The following TRPM2 variants were observed in gnomAD, a reference collection of about 807,000 sequenced individuals.
The protein encoded by TRPM2 is estrogen-responsive element-associated gene 1 protein.
A neutral mutation model predicts 174.0 loss-of-function variants in TRPM2; 161 were observed. The ratio of observed to expected loss-of-function variants is 0.93; its 90% CI spans 0.81 to 1.05. TRPM2 has a LOEUF of 1.05. Among genes scored for constraint, TRPM2 ranks in the 50% least tolerant of loss-of-function variants. The pLI is 0.00. For synonymous variants in TRPM2, 954 were observed against 861.3 expected, an observed-to-expected ratio of 1.11 and a Z score of -1.88; for missense variants, 2,057 against 2,038.0, an observed-to-expected ratio of 1.01 and a Z score of -0.18.
intron 27 of TRPM2, among the ~76,000 whole-genome samples, chr21:44,428,877 C>G (rs1161406104): frequency 6.6e-6 from 1 of 152,228 alleles, no homozygotes; most frequent in Non-Finnish European, 1.5e-5. Flanking sequence ...TTTCAAAGCT[C>G]TGTATGCCTC....
At chr21:44,431,330 G>C (rs1282916064) in intron 27 of TRPM2, among the ~76,000 whole-genome samples, 3 of 150,848 alleles carry the variant, frequency 2.0e-5, no homozygotes, top group Non-Finnish European at 2.9e-5. Context: ...TGGAGAATGA[G>C]GTCTTGCTCT....
At chr21:44,351,963 G>GACCCTCCC, upstream of TRPM2, among the ~76,000 whole-genome samples, 1 of 152,214 alleles carries the variant, frequency 6.6e-6, no homozygotes, top group Non-Finnish European at 1.5e-5. Context: ...CCACACCGTG[G>GACCCTCCC]ACCCTCCCGT....
chr21:44,425,292 G>A (rs1022425787), intron 24 of TRPM2: 6 of 389,986 alleles, frequency 1.5e-5, no homozygotes, highest in African/African-American at 1.2e-4. Flanking sequence ...GAGAAGCAAA[G>A]TCTGTTTTCC....
intron 28 of TRPM2, 31 bp downstream of exon 28, chr21:44,435,248 TC>T (rs756266210): frequency 9.4e-6 from 15 of 1,599,578 alleles, no homozygotes; most frequent in African/African-American, 1.3e-5. Flanking sequence ...CACCAGCACC[TC>T]AGCAAGGCGG....
chr21:44,384,718 C>T (rs1262646363), intron 9 of TRPM2, among the ~76,000 whole-genome samples: 1 of 152,154 alleles, frequency 6.6e-6, no homozygotes, highest in African/African-American at 2.4e-5. Context: ...GAACACATTT[C>T]TAGAAGCACA....
intron 16 of TRPM2, among the ~76,000 whole-genome samples, chr21:44,403,814 TACACATGCAC>T (rs1356456700): frequency 6.8e-6 from 1 of 147,816 alleles, no homozygotes; most frequent in Non-Finnish European, 1.5e-5. Flanking sequence ...AACACATGTA[TACACATGCAC>T]ACACATGCAT....
At chr21:44,418,968 C>CG (rs976812295) in intron 22 of TRPM2, among the ~76,000 whole-genome samples, 8 of 152,196 alleles carry the variant, frequency 5.3e-5, no homozygotes, top group African/African-American at 1.9e-4. Context: ...GCCCAGCCCT[C>CG]GGGGTCAGCC....
intron 27 of TRPM2, among the ~76,000 whole-genome samples, chr21:44,427,466 G>A (rs1044623366): frequency 6.6e-6 from 1 of 152,232 alleles, no homozygotes; most frequent in African/African-American, 2.4e-5. Flanking sequence ...ATGGGCACTG[G>A]CAGGCTTACC....
In TRPM2 at chr21:44,376,138, C is replaced by T; in HGVS notation, c.952+125C>T. The T allele has an allele frequency of 1.7e-6, 2 of 1,179,876 alleles. No homozygotes were observed. Among genetic ancestry groups the T allele is most frequent in the Non-Finnish European group, 2.4e-6 (2 of 842,976 alleles). The allele number at this position is 1,179,876 out of a possible 1,614,324, so 73.1% of individuals were successfully genotyped here. On this transcript the variant is annotated intron_variant, in intron 6 of 31. Coordinates refer to ENST00000397928, the MANE Select transcript of TRPM2 (RefSeq NM_003307.4). This position sits in a 1 kb window ranked among gnomAD's most constrained non-coding sequence, Gnocchi z 4.2. ...GGCGTTTGGCAGAGAGTGCAGTGGG[C>T]TGGTCAGAGTGTCAGGTACAGCTGG... is the stretch of plus-strand genomic sequence containing the variant.
At chr21:44,409,169 A>G (rs778739612) in intron 19 of TRPM2, among the ~76,000 whole-genome samples, 14 of 152,066 alleles carry the variant, frequency 9.2e-5, no homozygotes, top group Non-Finnish European at 1.8e-4. Flanking sequence ...CAACTTATCA[A>G]TCTCTTTGAT....
intron 13 of TRPM2, among the ~76,000 whole-genome samples, chr21:44,398,491 A>G (rs914655925): frequency 2.0e-5 from 3 of 152,086 alleles, no homozygotes; most frequent in Non-Finnish European, 4.4e-5. Context: ...GTGAACCACC[A>G]CGCCTGGTGA....
In TRPM2 at chr21:44,429,278, C is replaced by CT. The variant is rs35708355; in HGVS notation, c.3974+2193dup. Among the ~76,000 whole-genome samples the CT allele has an allele frequency of 9.9e-3, 440 of 44,222 alleles. 21 individuals are homozygous for CT. Among genetic ancestry groups the CT allele is most frequent in the Non-Finnish European group, 0.013 (311 of 24,342 alleles). 29.0% of individuals were successfully genotyped at this position (44,222 alleles called of 152,430 possible). On this transcript the variant is annotated intron_variant, in intron 27 of 31. Coordinates refer to ENST00000397928, the MANE Select transcript of TRPM2 (RefSeq NM_003307.4). ...GTAATTATAACATTTTTTTCTTTTT[C>CT]TTTTTTTTTTTTTTTTTTTTTTTTT...
chr21:44,378,855 G>A lies in TRPM2; in HGVS notation c.1015-142G>A, dbSNP rs576392321. 8.7e-4 allele frequency: 801 copies of A among 916,206 alleles called. 5 individuals are homozygous for A. The African/African-American group carries it at 0.011, about 12-fold the overall frequency. The allele number at this position is 916,206 out of a possible 1,614,324, so 56.8% of individuals were successfully genotyped here. A position where few individuals can be genotyped will look rare whatever the true frequency, so the allele number is the denominator to read the frequency against. Reference sequence around the variant, plus strand: ...CTTCCCCCAGAGCAGGGGACGCCACGAAACTAATAAGTGCTTTCAGTGGAT... The same window carrying A: ...CTTCCCCCAGAGCAGGGGACGCCACAAAACTAATAAGTGCTTTCAGTGGAT... On this transcript the variant is annotated intron_variant, in intron 7 of 31. Coordinates refer to ENST00000397928, the MANE Select transcript of TRPM2 (RefSeq NM_003307.4).
chr21:44,413,300 G>A (rs1451566506), intron 19 of TRPM2, among the ~76,000 whole-genome samples: 8 of 149,520 alleles, frequency 5.4e-5, no homozygotes, highest in Non-Finnish European at 8.9e-5. Context: ...GTGCAATGAG[G>A]CAACCTCGGC....
At chr21:44,380,868 G>A (rs1020271628) in intron 8 of TRPM2, among the ~76,000 whole-genome samples, 21 of 152,206 alleles carry the variant, frequency 1.4e-4, no homozygotes, top group Non-Finnish European at 7.3e-5. Context: ...GAGGAAACGA[G>A]GCCCTGGCGT....
Position 44,427,130 on chromosome 21 carries a change from GGCCCC to G in TRPM2, c.3974+26_3974+30del, listed in dbSNP as rs1215956206. ...TGCCCCTGTGAGTGTGCCCCCTGCG[GGCCCC>G]GCCCCGTCAGCCTTTGGGGTTTGCC... is the stretch of plus-strand genomic sequence containing the variant. On this transcript the variant is annotated intron_variant, in intron 27 of 31. Transcript: ENST00000397928. 2 of 1,557,244 alleles carry G rather than the reference GGCCCC, an allele frequency of 1.3e-6. No homozygotes were observed. The highest frequency in any genetic ancestry group is 2.7e-5 in the African/African-American group (2 of 73,788).
chr21:44,420,316 G>A (rs1601220274), intron 22 of TRPM2, among the ~76,000 whole-genome samples: 1 of 152,176 alleles, frequency 6.6e-6, no homozygotes, highest in Non-Finnish European at 1.5e-5. Context: ...TGGCTGGTGG[G>A]TTTGTGGGTT....
rs573635540 is a variant in TRPM2 at position 44,399,210 on chromosome 21, G to T, written c.2063-86G>T. 5.2e-5 allele frequency: 78 copies of T among 1,513,178 alleles called. No homozygotes were observed. In the African/African-American group the frequency reaches 8.9e-4, roughly 17 times the overall value. The allele number at this position is 1,513,178 out of a possible 1,614,324, so 93.7% of individuals were successfully genotyped here. On this transcript the variant is annotated intron_variant, in intron 13 of 31. Transcript: ENST00000397928. The surrounding 1 kb of genome is among the most constrained non-coding windows in gnomAD (Gnocchi z 4.6). Reference sequence around the variant, plus strand: ...CCCTTCCCTGTGTCCTGGTGGTGCTGTCCCGAGTGGTTGCCCTCTGACCCG... The same window carrying T: ...CCCTTCCCTGTGTCCTGGTGGTGCTTTCCCGAGTGGTTGCCCTCTGACCCG...
rs772161683 is a variant in TRPM2, at chr21:44,413,998, C to T, written c.3070C>T (p.Leu1024=). Reference sequence around the variant, plus strand: ...GCAGAGGCCGGCCTTCCCTGAGTGGCTGACGGTCCTCCTACTCTGCCTCTA... The same window carrying T: ...GCAGAGGCCGGCCTTCCCTGAGTGGTTGACGGTCCTCCTACTCTGCCTCTA... ...TQQRPAFPEW[L]TVLLLCLYLL... is the part of the protein sequence containing the mutation. Residue 1024 remains leucine (L), a synonymous_variant, in exon 20 of 32, where the codon CTG becomes TTG. Coordinates refer to ENST00000397928, the MANE Select transcript of TRPM2 (RefSeq NM_003307.4). The T allele has an allele frequency of 9.9e-6, 16 of 1,613,760 alleles. No individual in the cohort carries two copies. Among genetic ancestry groups the T allele is most frequent in the African/African-American group, 9.3e-5 (7 of 74,934 alleles).
Sources: allele counts gnomAD v4.1 joint callset (sites outside exome capture counted in the v4.1 genomes callset), GRCh38; gene constraint gnomAD v4.1.1; non-coding constraint Gnocchi (gnomAD v3.1); transcripts MANE v1.5; gene names NCBI Gene and HGNC (gene_info 2026-07-23, HGNC 2026-07-21).